Variants in CSGALNACT2 observed in about 807,000 individuals in gnomAD.
The protein encoded by CSGALNACT2 is beta 4 GalNAcT-2.
A neutral mutation model predicts 55.3 loss-of-function variants in CSGALNACT2; 35 were observed. The observed-to-expected ratio is 0.63, with a 90% confidence interval of 0.48 to 0.84. CSGALNACT2 has a LOEUF of 0.84. CSGALNACT2 is among the 40% of genes least tolerant of loss of function. The pLI is 0.00. For synonymous variants in CSGALNACT2, 196 were observed against 224.9 expected (o/e 0.87, Z 1.15); for missense variants, 544 against 657.5 (o/e 0.83, Z 1.89).
chr10:43,155,719 C>T lies in CSGALNACT2; in HGVS notation c.570C>T (p.Val190=), dbSNP rs1408978391. 2 of 1,613,852 alleles carry T rather than the reference C, an allele frequency of 1.2e-6. No individual in the cohort carries two copies. The highest frequency in any genetic ancestry group is 2.7e-5 in the African/African-American group (2 of 74,876). Residue 190 remains valine, a synonymous_variant, in exon 2 of 8, where the codon GTC becomes GTT. Transcript: ENST00000374466. ...LVEVIEAGLE[V]INNPDEDDEQ... ...AAGTTATTGAAGCGGGCTTGGAGGTCATTAATAATCCTGATGAAGATGATG... is the reference window on the plus strand; with the variant it reads ...AAGTTATTGAAGCGGGCTTGGAGGTTATTAATAATCCTGATGAAGATGATG...
intron 7 of CSGALNACT2, among the ~76,000 whole-genome samples, chr10:43,182,512 T>A (rs1410782615): frequency 6.6e-6 from 1 of 152,162 alleles, no homozygotes; most frequent in East Asian, 1.9e-4. Flanking sequence ...CAAATTTATA[T>A]CTCCAGCTTG....
intron 7 of CSGALNACT2, among the ~76,000 whole-genome samples, chr10:43,179,013 T>C (rs1270702626): frequency 6.6e-6 from 1 of 152,160 alleles, no homozygotes; most frequent in South Asian, 2.1e-4. Context: ...GCTACTCTAA[T>C]GAATTTTTAT....
rs1839196117 is a variant in CSGALNACT2 at position 43,163,527 on chromosome 10, T to A, written c.981-339T>A. On this transcript the variant is annotated intron_variant, in intron 4 of 7. Coordinates refer to ENST00000374466, the MANE Select transcript of CSGALNACT2 (RefSeq NM_018590.5). The stretch of plus-strand genomic sequence containing the variant: ...AGGAGAGTGATCTTTGTGTGTGTTA[T>A]CCATTTAGAATGCATTATTAACAGA... 4.1e-6 allele frequency: 4 copies of A among 985,294 alleles called. No homozygotes were observed. The South Asian group carries it at 1.9e-4, about 46-fold the overall frequency. The allele number at this position is 985,294 out of a possible 1,614,324, so 61.0% of individuals were successfully genotyped here. A position where few individuals can be genotyped will look rare whatever the true frequency, so the allele number is the denominator to read the frequency against.
Position 43,184,564 on chromosome 10 carries a change from A to C in CSGALNACT2, c.*1022A>C, listed in dbSNP as rs1266244542. On this transcript the variant is annotated 3_prime_UTR_variant, in exon 8 of 8. Transcript: ENST00000374466. ...AGTTTCATTGTGGAGAGAAAAAGCAAATGGTATGCCACAAGATCACTCTGA... is the reference window on the plus strand; with the variant it reads ...AGTTTCATTGTGGAGAGAAAAAGCACATGGTATGCCACAAGATCACTCTGA... 6.6e-6 allele frequency: 1 copy of C among 152,250 alleles called. No homozygotes were observed. Among genetic ancestry groups the C allele is most frequent in the East Asian group, 1.9e-4 (1 of 5,206 alleles). 9.4% of individuals were successfully genotyped at this position (152,250 alleles called of 1,614,324 possible).
chr10:43,182,146 T>A (rs1839601470), intron 7 of CSGALNACT2, among the ~76,000 whole-genome samples: 1 of 151,800 alleles, frequency 6.6e-6, no homozygotes, highest in South Asian at 2.1e-4. Context: ...CCCACTCCAG[T>A]TAGCCTTCTG....
rs1452184000 is a variant in CSGALNACT2 at position 43,138,527 on chromosome 10, C to T, written c.-294C>T. 1 of 150,416 alleles carries T rather than the reference C, an allele frequency of 6.6e-6. No individual in the cohort carries two copies. The highest frequency in any genetic ancestry group is 1.5e-5 in the Non-Finnish European group (1 of 67,488). 9.3% of individuals were successfully genotyped at this position (150,416 alleles called of 1,614,324 possible). On this transcript the variant is annotated 5_prime_UTR_variant, in exon 1 of 8. Coordinates refer to ENST00000374466, the MANE Select transcript of CSGALNACT2 (RefSeq NM_018590.5). ...GCGTGAGGCGCCGCCCGGGTGTCCC[C>T]GCGGCGCAGGAGGCGGTGGAGCGCA...
At chr10:43,143,475 CAA>C (rs1468318473) in intron 1 of CSGALNACT2, among the ~76,000 whole-genome samples, 1 of 147,420 alleles carries the variant, frequency 6.8e-6, no homozygotes, top group Admixed American at 6.8e-5. Context: ...GCATTTAAAT[CAA>C]GTTTGCTCTC....
At chr10:43,151,897 G>A (rs1350461292) in intron 1 of CSGALNACT2, among the ~76,000 whole-genome samples, 1 of 152,088 alleles carries the variant, frequency 6.6e-6, no homozygotes, top group Non-Finnish European at 1.5e-5. Flanking sequence ...TCATATTTTG[G>A]GTTTGTTGGC....
chr10:43,146,775 A>C (rs560746604), intron 1 of CSGALNACT2, among the ~76,000 whole-genome samples: 77 of 151,416 alleles, frequency 5.1e-4, no homozygotes, highest in Non-Finnish European at 1.0e-3. Flanking sequence ...TGTTAAGTTC[A>C]TAACTTATTA....
intron 1 of CSGALNACT2, among the ~76,000 whole-genome samples, chr10:43,152,624 A>C (rs748198601): frequency 3.9e-5 from 6 of 152,200 alleles, no homozygotes; most frequent in Admixed American, 6.5e-5. Flanking sequence ...CTATTGTCTG[A>C]GTTATAGCTC....
chr10:43,167,228 G>C, intron 6 of CSGALNACT2, 130 bp downstream of exon 6: 1 of 622,660 alleles, frequency 1.6e-6, no homozygotes, highest in East Asian at 2.9e-5. Flanking sequence ...AAAAACTATA[G>C]TTATTGTAAG....
At chr10:43,157,220 CAT>C (rs747265065) in intron 2 of CSGALNACT2, among the ~76,000 whole-genome samples, 23 of 152,302 alleles carry the variant, frequency 1.5e-4, no homozygotes, top group African/African-American at 2.9e-4. Context: ...AACTAAGTAA[CAT>C]GTGTAAAATG....
Position 43,155,351 on chromosome 10 carries a change from T to G in CSGALNACT2, c.202T>G (p.Tyr68Asp), listed in dbSNP as rs768557337. Residue 68 changes from tyrosine (Y) to aspartate (D), a missense_variant, in exon 2 of 8, where the codon TAT (tyrosine) becomes GAT (aspartate). Around this residue, in one of 2 missense-constraint regions of CSGALNACT2, gnomAD observed 374 missense variants for 401.3 expected, o/e 0.93. Coordinates refer to ENST00000374466, the MANE Select transcript of CSGALNACT2 (RefSeq NM_018590.5). ...QALLQEQEEH[Y>D]QTRATSLKRQ... is the part of the protein sequence containing the mutation. ...CCTCCTACAGGAACAAGAAGAACAT[T>G]ATCAGACCAGGGCAACCAGTCTGAA... The G allele has an allele frequency of 4.3e-6, 7 of 1,614,080 alleles. No individual in the cohort carries two copies. In the East Asian group the frequency reaches 1.6e-4, roughly 36 times the overall value.
At chr10:43,145,031 C>A (rs1393227410) in intron 1 of CSGALNACT2, among the ~76,000 whole-genome samples, 15 of 152,138 alleles carry the variant, frequency 9.9e-5, no homozygotes, top group Non-Finnish European at 2.9e-5. Context: ...TGTTTTACTA[C>A]AGTTTGTCCA....
At chr10:43,159,497 G>C (rs1249418186) in intron 3 of CSGALNACT2, among the ~76,000 whole-genome samples, 1 of 151,974 alleles carries the variant, frequency 6.6e-6, no homozygotes, top group Non-Finnish European at 1.5e-5. Context: ...TGTTGTCCAG[G>C]CTGGAATTTA....
At chr10:43,162,935 T>C (rs1233214430) in intron 4 of CSGALNACT2, 7 of 985,314 alleles carry the variant, frequency 7.1e-6, no homozygotes, top group Non-Finnish European at 8.4e-6. Context: ...GACCAATTTC[T>C]TTAACCTTGC....
intron 1 of CSGALNACT2, among the ~76,000 whole-genome samples, chr10:43,149,380 C>T (rs1190026097): frequency 2.0e-5 from 3 of 152,180 alleles, no homozygotes; most frequent in East Asian, 3.8e-4. Flanking sequence ...AGCCACCGCA[C>T]CCAGCCCCTA....
chr10:43,178,554 G>A (rs544772197), intron 7 of CSGALNACT2, among the ~76,000 whole-genome samples: 46 of 150,400 alleles, frequency 3.1e-4, no homozygotes, highest in African/African-American at 1.1e-3. Context: ...CTGGGAGGCG[G>A]AGTTTGCAGT....
At position 43,158,848 on chromosome 10, in the gene CSGALNACT2, T is replaced by C. The variant is rs1371655409; in HGVS notation, c.795T>C (p.Ile265=). The change falls in exon 3 of 8, where the codon ATT becomes ATC. Residue 265 remains isoleucine, a synonymous_variant. Coordinates refer to ENST00000374466, the MANE Select transcript of CSGALNACT2 (RefSeq NM_018590.5). ...GPLMKVKSEM[I]DITRSIINII... ...TCATGAAAGTGAAGAGTGAGATGATTGACATCACTAGATCAATTATTAATA... is the reference window on the plus strand; with the variant it reads ...TCATGAAAGTGAAGAGTGAGATGATCGACATCACTAGATCAATTATTAATA... 6.2e-7 allele frequency: 1 copy of C among 1,612,002 alleles called. No homozygotes were observed. Among genetic ancestry groups the C allele is most frequent in the South Asian group, 1.1e-5 (1 of 91,058 alleles).
Sources: gnomAD v4.1 joint callset for allele counts (sites outside exome capture counted in the v4.1 genomes callset) on GRCh38, gnomAD v4.1.1 for gene constraint, gnomAD v4.1.1 regional missense constraint, MANE v1.5 for transcripts, NCBI Gene and HGNC (gene_info 2026-07-23, HGNC 2026-07-21) for gene names.